Variants in CUL9 observed in about 807,000 individuals in gnomAD.
The protein encoded by CUL9 is cullin-9.
Under a neutral mutation model 272.6 loss-of-function variants are expected in CUL9, and 79 were observed. The ratio of observed to expected loss-of-function variants is 0.29; its 90% CI spans 0.24 to 0.35. The LOEUF is 0.35. Among genes scored for constraint, CUL9 ranks in the 10% least tolerant of loss-of-function variants. The pLI, the probability that CUL9 is intolerant of heterozygous loss-of-function variation, is 1.00. For missense variants in CUL9, 2,532 were observed against 3,255.6 expected, an observed-to-expected ratio of 0.78 and a Z score of 5.41; for synonymous variants, 1,186 against 1,286.5, an observed-to-expected ratio of 0.92 and a Z score of 1.67.
chr6:43,215,542 GTACTC>G (rs1353902491), intron 30 of CUL9, among the ~76,000 whole-genome samples: 1 of 152,102 alleles, frequency 6.6e-6, no homozygotes, highest in Non-Finnish European at 1.5e-5. Context: ...TGCTAACTAT[GTACTC>G]TACTCAGTTA....
intron 23 of CUL9, 58 bp downstream of exon 23, chr6:43,205,173 C>T (rs985083811): frequency 6.3e-7 from 1 of 1,579,526 alleles, no homozygotes; most frequent in Non-Finnish European, 8.6e-7. Flanking sequence ...TCATCTCTTT[C>T]TGCTCTGCCC....
rs757082579 is a variant in CUL9, at chr6:43,185,581, A to G, written c.721A>G (p.Met241Val). 2.5e-6 allele frequency: 4 copies of G among 1,613,180 alleles called. No individual in the cohort carries two copies. Among genetic ancestry groups the G allele is most frequent in the Non-Finnish European group, 3.4e-6 (4 of 1,180,026 alleles). ...AETTSSEEHC[M>V]AFEGIHLPQI... ...AACCACATCCTCTGAAGAACACTGC[A>G]TGGCCTTTGAGGGCATTCATCTGCC... The change falls in exon 3 of 41, where the codon ATG becomes GTG. Residue 241 changes from methionine to valine, a missense_variant. Transcript: ENST00000252050.
intron 11 of CUL9, 84 bp downstream of exon 11, chr6:43,196,946 A>G (rs1192050734): frequency 8.6e-6 from 10 of 1,168,004 alleles, no homozygotes; most frequent in Non-Finnish European, 1.2e-5. Context: ...GGAAAGATAC[A>G]AGGAAACTTC....
chr6:43,200,457 G>T lies in CUL9; in HGVS notation c.3406G>T (p.Asp1136Tyr). 1 of 1,614,104 alleles carries T rather than the reference G, an allele frequency of 6.2e-7. No individual in the cohort carries two copies. Among genetic ancestry groups the T allele is most frequent in the Non-Finnish European group, 8.5e-7 (1 of 1,180,022 alleles). Reference protein sequence around the residue: ...CIQMVLGQIEDHRRTHQPINI... With the variant: ...CIQMVLGQIEYHRRTHQPINI... ...GCAGATGGTGCTGGGCCAGATCGAA[G>T]ACCACAGACGAACCCACCAACCCAT... The change falls in exon 15 of 41, where the codon GAC becomes TAC. Residue 1136 changes from aspartate (D) to tyrosine (Y), a missense_variant. This residue lies in a region of CUL9 where 2,218 missense variants were observed against 2,788.6 expected (regional missense o/e 0.80). Transcript: ENST00000252050. The surrounding 1 kb of genome is among the most constrained non-coding windows in gnomAD (Gnocchi z 4.0).
chr6:43,213,383 C>T lies in CUL9; in HGVS notation c.5359-55C>T. ...AAACCCTGTTCCTCCTTCATCCTTA[C>T]TCCCCTCTTCCTTTTCTTTCCTTTG... On this transcript the variant is annotated intron_variant, in intron 27 of 40. Transcript: ENST00000252050. This position sits in a 1 kb window ranked among gnomAD's most constrained non-coding sequence, Gnocchi z 5.7. 6.2e-7 allele frequency: 1 copy of T among 1,611,114 alleles called. No individual in the cohort carries two copies. Among genetic ancestry groups the T allele is most frequent in the Non-Finnish European group, 8.5e-7 (1 of 1,177,796 alleles).
At chr6:43,212,197 G>A (rs768655314) in intron 26 of CUL9, among the ~76,000 whole-genome samples, 14 of 152,196 alleles carry the variant, frequency 9.2e-5, no homozygotes, top group Non-Finnish European at 1.9e-4. Context: ...ACACTTCATT[G>A]GTGGTATGTG....
In CUL9 at chr6:43,221,792, C is replaced by T. The variant is rs769599193; in HGVS notation, c.6846+14C>T. 3.1e-6 allele frequency: 5 copies of T among 1,608,366 alleles called. No individual in the cohort carries two copies. In the Admixed American group the frequency reaches 6.7e-5, roughly 21 times the overall value. ...TGCTCTGCCATGGTAAGGCGCTGGG[C>T]ACTAGGGGAGGGCAGAGGCCCAGAG... On this transcript the variant is annotated intron_variant, in intron 35 of 40. Coordinates refer to ENST00000252050, the MANE Select transcript of CUL9 (RefSeq NM_015089.4). The surrounding 1 kb of genome is among the most constrained non-coding windows in gnomAD (Gnocchi z 4.2).
At chr6:43,201,298 T>C (rs994887544) in intron 16 of CUL9, among the ~76,000 whole-genome samples, 1 of 152,116 alleles carries the variant, frequency 6.6e-6, no homozygotes, top group Non-Finnish European at 1.5e-5. Context: ...AGAGCAGACT[T>C]CCTTCTGGAA....
intron 9 of CUL9, among the ~76,000 whole-genome samples, chr6:43,195,347 A>C (rs1773908996): frequency 6.6e-6 from 1 of 152,226 alleles, no homozygotes; most frequent in African/African-American, 2.4e-5. Flanking sequence ...TAGTCCCAGC[A>C]AACAGGTTTG....
chr6:43,195,987 A>C, intron 9 of CUL9, 82 bp from the exon 10 acceptor site: 1 of 1,233,260 alleles, frequency 8.1e-7, no homozygotes, highest in East Asian at 2.4e-5. Flanking sequence ...GCTGCCCCAA[A>C]GTTTGAGGTC....
Position 43,216,481 on chromosome 6 carries a change from G to T in CUL9, c.6260G>T (p.Cys2087Phe), listed in dbSNP as rs779434529. The change falls in exon 31 of 41, where the codon TGC becomes TTC. Residue 2087 changes from cysteine (C) to phenylalanine (F), a missense_variant. Coordinates refer to ENST00000252050, the MANE Select transcript of CUL9 (RefSeq NM_015089.4). ...LGCDDDLPSLCCMHYCCKSCW... is the reference protein window; with the variant it reads ...LGCDDDLPSLFCMHYCCKSCW... ...TGTGACGACGACCTGCCCTCTCTCTGCTGCATGCACTATTGCTGTAAGGTG... is the reference window on the plus strand; with the variant it reads ...TGTGACGACGACCTGCCCTCTCTCTTCTGCATGCACTATTGCTGTAAGGTG... The T allele has an allele frequency of 6.3e-7, 1 of 1,598,726 alleles. No individual in the cohort carries two copies. The highest frequency in any genetic ancestry group is 2.3e-5 in the East Asian group (1 of 44,398).
Position 43,199,350 on chromosome 6 carries a change from T to C in CUL9, c.3135T>C (p.Ser1045=). 6.2e-7 allele frequency: 1 copy of C among 1,613,142 alleles called. No individual in the cohort carries two copies. Among genetic ancestry groups the C allele is most frequent in the Non-Finnish European group, 8.5e-7 (1 of 1,179,376 alleles). ...EVLEPCLNCL[S]GPSSDSEIVQ... ...TGGAGCCCTGCCTCAACTGCCTGAG[T>C]GGCCCTAGCAGTGACTCCGAGGTAC... The change falls in exon 13 of 41, where the codon AGT becomes AGC. Residue 1045 remains serine, a synonymous_variant. Coordinates refer to ENST00000252050, the MANE Select transcript of CUL9 (RefSeq NM_015089.4). This position sits in a 1 kb window ranked among gnomAD's most constrained non-coding sequence, Gnocchi z 4.4.
Position 43,222,512 on chromosome 6 carries a change from T to TA in CUL9, c.6922-18dup, listed in dbSNP as rs535455825. The TA allele has an allele frequency of 2.2e-4, 356 of 1,613,560 alleles. 3 individuals carry two copies. In the Admixed American group the frequency reaches 4.0e-3, roughly 18 times the overall value. On this transcript the variant is annotated intron_variant, in intron 36 of 40. Coordinates refer to ENST00000252050, the MANE Select transcript of CUL9 (RefSeq NM_015089.4). ...GCTGCGCCACCTGTGCTGGTACTGA[T>TA]ACACCTTCCTCCACACAGGAGTTTG...
chr6:43,196,819 T>C lies in CUL9; in HGVS notation c.2760T>C (p.Leu920=). The change falls in exon 11 of 41, where the codon CTT becomes CTC. Residue 920 remains leucine (L), a synonymous_variant. Transcript: ENST00000252050. ...CCACACGCACCATCCTCATGATGCT[T>C]CTCAATCGCTACTCAGAGCCGCCGG... The part of the protein sequence containing the change: ...MPTTRTILMM[L]LNRYSEPPGS... 1 of 1,614,172 alleles carries C rather than the reference T, an allele frequency of 6.2e-7. No individual in the cohort carries two copies. Among genetic ancestry groups the C allele is most frequent in the Non-Finnish European group, 8.5e-7 (1 of 1,180,044 alleles).
At position 43,184,243 on chromosome 6, in the gene CUL9, C is replaced by A. The variant is rs775439286; in HGVS notation, c.-9-59C>A. The stretch of plus-strand genomic sequence containing the variant: ...TTCTCTGTGTCTCAAGATTCCACCC[C>A]CTCCATGTATTTTTTTTCTTTTCTC... On this transcript the variant is annotated intron_variant, in intron 1 of 40. Coordinates refer to ENST00000252050, the MANE Select transcript of CUL9 (RefSeq NM_015089.4). The surrounding 1 kb of genome is among the most constrained non-coding windows in gnomAD (Gnocchi z 4.8). The A allele has an allele frequency of 8.7e-6, 11 of 1,269,822 alleles. No individual in the cohort carries two copies. Among genetic ancestry groups the A allele is most frequent in the South Asian group, 2.0e-5 (1 of 51,260 alleles). 78.7% of individuals were successfully genotyped at this position (1,269,822 alleles called of 1,614,324 possible). A position where few individuals can be genotyped will look rare whatever the true frequency, so the allele number is the denominator to read the frequency against.
intron 8 of CUL9, among the ~76,000 whole-genome samples, chr6:43,190,668 C>T (rs1773385592): frequency 6.6e-6 from 1 of 152,088 alleles, no homozygotes; most frequent in Admixed American, 6.5e-5. Flanking sequence ...TAAATCATGG[C>T]CATGGAAGGG....
intron 26 of CUL9, among the ~76,000 whole-genome samples, chr6:43,207,446 A>T (rs963917405): frequency 3.9e-5 from 6 of 152,310 alleles, no homozygotes; most frequent in African/African-American, 1.4e-4. Flanking sequence ...AGGGTTATTC[A>T]GGTTGTCAAG....
intron 10 of CUL9, 148 bp from the exon 11 acceptor site, chr6:43,196,497 G>A: frequency 1.2e-6 from 1 of 848,694 alleles, no homozygotes; most frequent in South Asian, 1.5e-5. Flanking sequence ...TGGGAGGAGT[G>A]GCCCAAGGTC....
chr6:43,201,914 G>A (rs186844725), intron 16 of CUL9, among the ~76,000 whole-genome samples: 20 of 152,352 alleles, frequency 1.3e-4, no homozygotes, highest in African/African-American at 4.3e-4. Flanking sequence ...ATTTTAAGAA[G>A]GGAGGAGAGA....
Sources: allele counts gnomAD v4.1 joint callset (sites outside exome capture counted in the v4.1 genomes callset), GRCh38; gene constraint gnomAD v4.1.1; regional missense constraint gnomAD v4.1.1; non-coding constraint Gnocchi (gnomAD v3.1); transcripts MANE v1.5; gene names NCBI Gene and HGNC (gene_info 2026-07-23, HGNC 2026-07-21).